SHROOM3: variants seen among roughly 807,000 people sequenced by gnomAD.
SHROOM3 encodes the protein protein Shroom3.
Under a neutral mutation model 138.6 loss-of-function variants are expected in SHROOM3, and 47 were observed. That is an observed-to-expected ratio of 0.34 (90% CI 0.27 to 0.43). The LOEUF is 0.43. Ranked by LOEUF, SHROOM3 falls within the 20% of genes least tolerant of loss-of-function variation. SHROOM3 has a pLI of 1.00. For synonymous variants in SHROOM3, 1,062 were observed against 1,063.3 expected, an observed-to-expected ratio of 1.00 and a Z score of 0.02; for missense variants, 2,491 against 2,596.5, an observed-to-expected ratio of 0.96 and a Z score of 0.88.
In SHROOM3 at chr4:76,464,316, C is replaced by G. The variant is rs530474767; in HGVS notation, c.168+28096C>G. ...GCTGGGTTTCGCACTTGCATGGGACCTGTAGCTTCTTTGTTTTGGCCAATT... is the reference window on the plus strand; with the variant it reads ...GCTGGGTTTCGCACTTGCATGGGACGTGTAGCTTCTTTGTTTTGGCCAATT... On this transcript the variant is annotated intron_variant, in intron 1 of 10. Transcript: ENST00000296043. Among the ~76,000 whole-genome samples, 40 of 152,280 alleles carry G rather than the reference C, an allele frequency of 2.6e-4. No homozygotes were observed. The East Asian group carries it at 7.5e-3, about 29-fold the overall frequency.
At chr4:76,557,197 T>C (rs1244399981) in intron 2 of SHROOM3, among the ~76,000 whole-genome samples, 1 of 147,036 alleles carries the variant, frequency 6.8e-6, no homozygotes, top group East Asian at 2.0e-4. Context: ...CCAAAGAAAA[T>C]GTGGTGTATA....
intron 2 of SHROOM3, among the ~76,000 whole-genome samples, chr4:76,691,709 T>C (rs1051980410): frequency 2.0e-5 from 3 of 152,014 alleles, no homozygotes; most frequent in Admixed American, 1.3e-4. Flanking sequence ...GCCTGAGTTT[T>C]CTCCACTTTT....
In SHROOM3 at chr4:76,547,802, C is replaced by T. The variant is rs143188110; in HGVS notation, c.169-7807C>T. On this transcript the variant is annotated intron_variant, in intron 1 of 10. Coordinates refer to ENST00000296043, the MANE Select transcript of SHROOM3 (RefSeq NM_020859.4). ...AAAATTAACTGGATGTGGTAGCGTG[C>T]GCCTATAGTCCCAGCTACTCGAGAC... Among the ~76,000 whole-genome samples, 353 of 152,036 alleles carry T rather than the reference C, an allele frequency of 2.3e-3. 1 individual carries two copies. The highest frequency in any genetic ancestry group is 2.5e-3 in the African/African-American group (105 of 41,472).
Position 76,741,274 on chromosome 4 carries a change from A to C in SHROOM3, c.3101A>C (p.Glu1034Ala). The part of the protein sequence containing the change: ...EKMNEVGIVE[E>A]AEPAPLGPQR... ...ATGAACGAGGTGGGGATCGTGGAGG[A>C]GGCCGAACCGGCACCCCTGGGCCCG... The change falls in exon 5 of 11, where the codon GAG becomes GCG. Residue 1034 changes from glutamate (E) to alanine (A), a missense_variant. Coordinates refer to ENST00000296043, the MANE Select transcript of SHROOM3 (RefSeq NM_020859.4). The surrounding 1 kb of genome is among the most constrained non-coding windows in gnomAD (Gnocchi z 6.2). The C allele has an allele frequency of 6.2e-7, 1 of 1,611,928 alleles. No homozygotes were observed. Among genetic ancestry groups the C allele is most frequent in the Non-Finnish European group, 8.5e-7 (1 of 1,179,640 alleles).
chr4:76,754,828 C>T lies in SHROOM3; in HGVS notation c.4345C>T (p.Pro1449Ser). ...CAGCCTTCCTGAGGAATCCTCAGCC[C>T]CTGATTTTGCAAACCTGAAGCACTA... ...EDSLPEESSA[P>S]DFANLKHYQK... The change falls in exon 7 of 11, where the codon CCT (proline) becomes TCT (serine). Residue 1449 changes from proline (P) to serine (S), a missense_variant. Around this residue, in one of 4 missense-constraint regions of SHROOM3, gnomAD observed 1,733 missense variants for 1,661.6 expected, o/e 1.04. Coordinates refer to ENST00000296043, the MANE Select transcript of SHROOM3 (RefSeq NM_020859.4). 1.2e-6 allele frequency: 2 copies of T among 1,614,118 alleles called. No homozygotes were observed. Among genetic ancestry groups the T allele is most frequent in the Non-Finnish European group, 1.7e-6 (2 of 1,180,006 alleles).
chr4:76,601,003 G>C (rs1240421808), intron 2 of SHROOM3, among the ~76,000 whole-genome samples: 1 of 152,082 alleles, frequency 6.6e-6, no homozygotes, highest in African/African-American at 2.4e-5. Context: ...CTATTAGGTT[G>C]GTGCAAAAGT....
At chr4:76,482,574 C>T (rs1407927045) in intron 1 of SHROOM3, among the ~76,000 whole-genome samples, 1 of 152,136 alleles carries the variant, frequency 6.6e-6, no homozygotes, top group Non-Finnish European at 1.5e-5. Flanking sequence ...GCCATACTGC[C>T]CAAAGTAATT....
At chr4:76,670,042 C>A (rs1718833367) in intron 2 of SHROOM3, among the ~76,000 whole-genome samples, 1 of 152,212 alleles carries the variant, frequency 6.6e-6, no homozygotes, top group South Asian at 2.1e-4. Context: ...AGCTTGAAAT[C>A]TGGGCATCTT....
intron 1 of SHROOM3, among the ~76,000 whole-genome samples, chr4:76,531,058 C>T (rs1419872161): frequency 1.3e-5 from 2 of 152,226 alleles, no homozygotes; most frequent in Middle Eastern, 3.4e-3. Context: ...GTGATTTCTA[C>T]CCTTAAAACC....
At chr4:76,441,028 G>C (rs1465771657) in intron 1 of SHROOM3, among the ~76,000 whole-genome samples, 1 of 151,496 alleles carries the variant, frequency 6.6e-6, no homozygotes, top group African/African-American at 2.4e-5. Context: ...TGGAGGCGAG[G>C]GGGAGGTGCT....
chr4:76,598,219 G>A (rs1024638331), intron 2 of SHROOM3, among the ~76,000 whole-genome samples: 1 of 151,788 alleles, frequency 6.6e-6, no homozygotes. Context: ...GTAGAGACGG[G>A]GTTTCACCGT....
At chr4:76,486,765 T>G (rs964606710) in intron 1 of SHROOM3, among the ~76,000 whole-genome samples, 3 of 152,138 alleles carry the variant, frequency 2.0e-5, no homozygotes, top group African/African-American at 7.2e-5. Context: ...AATCATTTAT[T>G]TGGCAATCTG....
chr4:76,768,962 A>C (rs1472869562), intron 9 of SHROOM3, among the ~76,000 whole-genome samples: 1 of 152,214 alleles, frequency 6.6e-6, no homozygotes. Context: ...GTCCGACTCC[A>C]AGATAGGCAG....
chr4:76,474,370 T>C (rs901628208), intron 1 of SHROOM3, among the ~76,000 whole-genome samples: 3 of 152,182 alleles, frequency 2.0e-5, no homozygotes, highest in Non-Finnish European at 2.9e-5. Flanking sequence ...AGTGGTAAGA[T>C]TGTAAGACTG....
At chr4:76,562,403 C>T (rs1038156897) in intron 2 of SHROOM3, among the ~76,000 whole-genome samples, 3 of 152,138 alleles carry the variant, frequency 2.0e-5, no homozygotes, top group African/African-American at 7.2e-5. Context: ...CACTTGCTAC[C>T]TCAGTGTCAG....
chr4:76,557,298 TC>T (rs1159566484), intron 2 of SHROOM3, among the ~76,000 whole-genome samples: 2 of 149,126 alleles, frequency 1.3e-5, no homozygotes, highest in African/African-American at 5.0e-5. Context: ...AAGAAGGAAA[TC>T]TTGCCATTTG....
At chr4:76,490,971 A>C (rs1448400383) in intron 1 of SHROOM3, among the ~76,000 whole-genome samples, 2 of 152,230 alleles carry the variant, frequency 1.3e-5, no homozygotes, top group Admixed American at 6.5e-5. Context: ...GCTTTGGAAT[A>C]TCTTCTGGGG....
chr4:76,560,403 A>G (rs1733574939), intron 2 of SHROOM3, among the ~76,000 whole-genome samples: 1 of 152,142 alleles, frequency 6.6e-6, no homozygotes, highest in Non-Finnish European at 1.5e-5. Flanking sequence ...GTATTCATAT[A>G]AATACATATT....
At position 76,464,329 on chromosome 4, in the gene SHROOM3, G is replaced by A. The variant is rs527916963; in HGVS notation, c.168+28109G>A. Among the ~76,000 whole-genome samples, 32 of 152,212 alleles carry A rather than the reference G, an allele frequency of 2.1e-4. No individual in the cohort carries two copies. The Middle Eastern group carries it at 0.017, about 81-fold the overall frequency. ...CTTGCATGGGACCTGTAGCTTCTTTGTTTTGGCCAATTTCTCCAATTTGGA... is the reference window on the plus strand; with the variant it reads ...CTTGCATGGGACCTGTAGCTTCTTTATTTTGGCCAATTTCTCCAATTTGGA... On this transcript the variant is annotated intron_variant, in intron 1 of 10. Coordinates refer to ENST00000296043, the MANE Select transcript of SHROOM3 (RefSeq NM_020859.4).
Sources: allele counts gnomAD v4.1 joint callset (sites outside exome capture counted in the v4.1 genomes callset), GRCh38; gene constraint gnomAD v4.1.1; regional missense constraint gnomAD v4.1.1; non-coding constraint Gnocchi (gnomAD v3.1); transcripts MANE v1.5; gene names NCBI Gene and HGNC (gene_info 2026-07-23, HGNC 2026-07-21).